OR4D9: variants seen among roughly 807,000 people sequenced by gnomAD.
The protein encoded by OR4D9 is olfactory receptor 4D9.
A neutral mutation model predicts 0.8 loss-of-function variants in OR4D9; 2 were observed. The ratio of observed to expected loss-of-function variants is 2.58; its 90% CI spans 1.06 to 8.13. The LOEUF (loss-of-function observed/expected upper bound fraction) is 8.13. Ranked by LOEUF, OR4D9 falls within the 30% of genes most tolerant of loss-of-function variation. The pLI, the probability that OR4D9 is intolerant of heterozygous loss-of-function variation, is 0.04. For missense variants in OR4D9, 399 were observed against 384.7 expected, an observed-to-expected ratio of 1.04 and a Z score of -0.31; for synonymous variants, 146 against 151.2, an observed-to-expected ratio of 0.97 and a Z score of 0.25.
In OR4D9 at chr11:59,515,724, T is replaced by C. The variant is rs1438518169; in HGVS notation, c.812T>C (p.Ile271Thr). Reference sequence around the variant, plus strand: ...ACTGCCCTCCCCACAGACACTGCCATCTCTGTCACCTTCACTGTCATCTCC... The same window carrying C: ...ACTGCCCTCCCCACAGACACTGCCACCTCTGTCACCTTCACTGTCATCTCC... ...PFTALPTDTA[I>T]SVTFTVISPL... is the part of the protein sequence containing the mutation. The change falls in exon 3 of 3, where the codon ATC (isoleucine) becomes ACC (threonine). Residue 271 changes from isoleucine (I) to threonine (T), a missense_variant. Coordinates refer to ENST00000641962, the MANE Select transcript of OR4D9 (RefSeq NM_001004711.2). 2 of 1,614,114 alleles carry C rather than the reference T, an allele frequency of 1.2e-6. No individual in the cohort carries two copies. The highest frequency in any genetic ancestry group is 1.7e-6 in the Non-Finnish European group (2 of 1,180,020).
At chr11:59,514,448 T>G (rs1050100273) in intron 1 of OR4D9, among the ~76,000 whole-genome samples, 1 of 152,234 alleles carries the variant, frequency 6.6e-6, no homozygotes, top group Non-Finnish European at 1.5e-5. Context: ...TTTACTGATT[T>G]GTAGAGGCTC....
In OR4D9 at chr11:59,515,015, T is replaced by C. The variant is rs769685840; in HGVS notation, c.103T>C (p.Tyr35His). ...CTTATTTACCTTCCTGTTTTTGGTG[T>C]ACATGACAACTCTAATGGGAAACTT... is the stretch of plus-strand genomic sequence containing the variant. ...QVLFTFLFLV[Y>H]MTTLMGNFLI... Residue 35 changes from tyrosine (Y) to histidine (H), a missense_variant, in exon 3 of 3, where the codon TAC (tyrosine) becomes CAC (histidine). Coordinates refer to ENST00000641962, the MANE Select transcript of OR4D9 (RefSeq NM_001004711.2). 3.1e-6 allele frequency: 5 copies of C among 1,613,970 alleles called. No homozygotes were observed. Among genetic ancestry groups the C allele is most frequent in the Non-Finnish European group, 4.2e-6 (5 of 1,179,936 alleles).
At position 59,517,537 on chromosome 11, in the gene OR4D9, G is replaced by A. The variant is rs1345807369; in HGVS notation, c.*1680G>A. ...TGCTGTTAGTGAGAGTGTTCATAAAGAAGAATCACTGTTGCCGGGCGCAGT... is the reference window on the plus strand; with the variant it reads ...TGCTGTTAGTGAGAGTGTTCATAAAAAAGAATCACTGTTGCCGGGCGCAGT... On this transcript the variant is annotated 3_prime_UTR_variant, in exon 3 of 3. Transcript: ENST00000641962. 6.6e-6 allele frequency: 1 copy of A among 152,102 alleles called. No individual in the cohort carries two copies. The highest frequency in any genetic ancestry group is 1.5e-5 in the Non-Finnish European group (1 of 68,026). The allele number at this position is 152,102 out of a possible 1,614,324, so 9.4% of individuals were successfully genotyped here. A position where few individuals can be genotyped will look rare whatever the true frequency, so the allele number is the denominator to read the frequency against.
At position 59,518,704 on chromosome 11, in the gene OR4D9, T is replaced by C. The variant is rs563565968; in HGVS notation, c.*2847T>C. 1 of 152,126 alleles carries C rather than the reference T, an allele frequency of 6.6e-6. No individual in the cohort carries two copies. The highest frequency in any genetic ancestry group is 1.5e-5 in the Non-Finnish European group (1 of 68,040). The allele number at this position is 152,126 out of a possible 1,614,324, so 9.4% of individuals were successfully genotyped here. The stretch of plus-strand genomic sequence containing the variant: ...ACCTGAACATGCTCATGCTGTCTTA[T>C]GCTCCACAGTCTCTAGATCCTCATA... On this transcript the variant is annotated 3_prime_UTR_variant, in exon 3 of 3. Transcript: ENST00000641962.
chr11:59,512,987 A>C (rs1464053713), intron 1 of OR4D9, among the ~76,000 whole-genome samples: 1 of 152,242 alleles, frequency 6.6e-6, no homozygotes, highest in Admixed American at 6.5e-5. Context: ...AAAGTGTTAT[A>C]AATGATAAAT....
rs1203354593 is a variant in OR4D9 at position 59,514,698 on chromosome 11, C to CA, written c.-99_-98insA. The CA allele has an allele frequency of 1.7e-5, 8 of 482,354 alleles. No individual in the cohort carries two copies. Among genetic ancestry groups the CA allele is most frequent in the Non-Finnish European group, 2.5e-5 (7 of 276,268 alleles). The allele number at this position is 482,354 out of a possible 1,614,324, so 29.9% of individuals were successfully genotyped here. A position where few individuals can be genotyped will look rare whatever the true frequency, so the allele number is the denominator to read the frequency against. On this transcript the variant is annotated 5_prime_UTR_variant, in exon 2 of 3. The change creates a premature stop within an existing upstream ORF in the 5' untranslated region. Coordinates refer to ENST00000641962, the MANE Select transcript of OR4D9 (RefSeq NM_001004711.2). ...CAGCAGCAGTGAGAGAACTTTGTCT[C>CA]CTGGGATGACTGAATCAAAAACCTG...
In OR4D9 at chr11:59,515,723, A is replaced by T. The variant is rs1859396641; in HGVS notation, c.811A>T (p.Ile271Phe). Residue 271 changes from isoleucine to phenylalanine, a missense_variant, in exon 3 of 3, where the codon ATC becomes TTC. Ile to Phe is a conservative substitution (Grantham distance 21). Coordinates refer to ENST00000641962, the MANE Select transcript of OR4D9 (RefSeq NM_001004711.2). Reference sequence around the variant, plus strand: ...CACTGCCCTCCCCACAGACACTGCCATCTCTGTCACCTTCACTGTCATCTC... The same window carrying T: ...CACTGCCCTCCCCACAGACACTGCCTTCTCTGTCACCTTCACTGTCATCTC... ...PFTALPTDTA[I>F]SVTFTVISPL... is the part of the protein sequence containing the mutation. The T allele has an allele frequency of 6.2e-7, 1 of 1,613,828 alleles. No homozygotes were observed.
At position 59,518,046 on chromosome 11, in the gene OR4D9, A is replaced by G. The variant is rs1859427352; in HGVS notation, c.*2189A>G. On this transcript the variant is annotated 3_prime_UTR_variant, in exon 3 of 3. Coordinates refer to ENST00000641962, the MANE Select transcript of OR4D9 (RefSeq NM_001004711.2). ...TGCCACTCAATCTATTAGAAGGTAA[A>G]GAAAGGGTATAAAAAGCATGATAGT... The G allele has an allele frequency of 6.6e-6, 1 of 152,170 alleles. No homozygotes were observed. Among genetic ancestry groups the G allele is most frequent in the Non-Finnish European group, 1.5e-5 (1 of 68,046 alleles). 9.4% of individuals were successfully genotyped at this position (152,170 alleles called of 1,614,324 possible).
intron 1 of OR4D9, among the ~76,000 whole-genome samples, chr11:59,514,244 G>A (rs1469774113): frequency 6.6e-6 from 1 of 152,186 alleles, no homozygotes; most frequent in Non-Finnish European, 1.5e-5. Flanking sequence ...CAGTGTATTA[G>A]AGTTCCAACT....
chr11:59,519,156 C>G lies in OR4D9; in HGVS notation c.*3299C>G, dbSNP rs1321484357. ...TTGCTTGAGCTCAGGAGTTTCAGAA[C>G]AGCCTGGGCAACATGGCAAAACCCC... On this transcript the variant is annotated 3_prime_UTR_variant, in exon 3 of 3. Transcript: ENST00000641962. 2.0e-5 allele frequency: 3 copies of G among 152,154 alleles called. No individual in the cohort carries two copies. Among genetic ancestry groups the G allele is most frequent in the Non-Finnish European group, 4.4e-5 (3 of 68,110 alleles). The allele number at this position is 152,154 out of a possible 1,614,324, so 9.4% of individuals were successfully genotyped here.
rs1189771582 is a variant in OR4D9, at chr11:59,516,542, A to G, written c.*685A>G. ...ACAAAGTGCTAGGGGAACTGTAGCC[A>G]CAATATTACTTGAGAGTTTCCAAAG... On this transcript the variant is annotated 3_prime_UTR_variant, in exon 3 of 3. Coordinates refer to ENST00000641962, the MANE Select transcript of OR4D9 (RefSeq NM_001004711.2). 6.6e-6 allele frequency: 1 copy of G among 152,208 alleles called. No individual in the cohort carries two copies. The highest frequency in any genetic ancestry group is 1.5e-5 in the Non-Finnish European group (1 of 68,042). 9.4% of individuals were successfully genotyped at this position (152,208 alleles called of 1,614,324 possible).
rs1316595597 is a variant in OR4D9, at chr11:59,516,025, A to G, written c.*168A>G. On this transcript the variant is annotated 3_prime_UTR_variant, in exon 3 of 3. Transcript: ENST00000641962. Reference sequence around the variant, plus strand: ...GGGACCACGTGGATGATACTGCTCTAAGACAAAATCCACTCAAGTCTTTCC... The same window carrying G: ...GGGACCACGTGGATGATACTGCTCTGAGACAAAATCCACTCAAGTCTTTCC... 1.4e-5 allele frequency: 8 copies of G among 576,402 alleles called. No individual in the cohort carries two copies. The Admixed American group carries it at 2.5e-4, about 18-fold the overall frequency. 35.7% of individuals were successfully genotyped at this position (576,402 alleles called of 1,614,324 possible). A position where few individuals can be genotyped will look rare whatever the true frequency, so the allele number is the denominator to read the frequency against.
Position 59,515,212 on chromosome 11 carries a change from A to C in OR4D9, c.300A>C (p.Gln100His). ...TCTCCTTCAGTGGCTGTGTCACTCA[A>C]ATGTTCTTCTTCCACCTTCTGGGGG... is the stretch of plus-strand genomic sequence containing the variant. ...KTISFSGCVT[Q>H]MFFFHLLGGA... Residue 100 changes from glutamine (Q) to histidine (H), a missense_variant, in exon 3 of 3, where the codon CAA (glutamine) becomes CAC (histidine). Coordinates refer to ENST00000641962, the MANE Select transcript of OR4D9 (RefSeq NM_001004711.2). The C allele has an allele frequency of 6.2e-7, 1 of 1,613,818 alleles. No individual in the cohort carries two copies. The highest frequency in any genetic ancestry group is 8.5e-7 in the Non-Finnish European group (1 of 1,179,964).
At chr11:59,514,600 ATTATT>A (rs1216999605) in intron 1 of OR4D9, 68 bp from the exon 2 acceptor site, 13 of 228,264 alleles carry the variant, frequency 5.7e-5, no homozygotes, top group Non-Finnish European at 1.1e-4. Context: ...CTTATTATTT[ATTATT>A]TTAAGTGTCA....
In OR4D9 at chr11:59,515,236, G is replaced by A; in HGVS notation, c.324G>A (p.Gly108=). ...VTQMFFFHLL[G]GADVFSLSVM... is the part of the protein sequence containing the mutation. The stretch of plus-strand genomic sequence containing the variant: ...AAATGTTCTTCTTCCACCTTCTGGG[G>A]GGAGCAGACGTTTTTTCTCTCTCTG... Residue 108 remains glycine (G), a synonymous_variant, in exon 3 of 3, where the codon GGG becomes GGA. Coordinates refer to ENST00000641962, the MANE Select transcript of OR4D9 (RefSeq NM_001004711.2). The A allele has an allele frequency of 3.7e-6, 6 of 1,613,538 alleles. No homozygotes were observed. Among genetic ancestry groups the A allele is most frequent in the Non-Finnish European group, 5.1e-6 (6 of 1,179,910 alleles).
Position 59,515,891 on chromosome 11 carries a change from T to C in OR4D9, c.*34T>C, listed in dbSNP as rs773423036. The C allele has an allele frequency of 1.4e-6, 2 of 1,470,128 alleles. No homozygotes were observed. The highest frequency in any genetic ancestry group is 1.8e-6 in the Non-Finnish European group (2 of 1,087,140). The allele number at this position is 1,470,128 out of a possible 1,614,324, so 91.1% of individuals were successfully genotyped here. ...TAGTACCCATATTTAAAGATAGACA[T>C]TAAATTTCACTTTCTCAAAATGGGA... On this transcript the variant is annotated 3_prime_UTR_variant, in exon 3 of 3. Transcript: ENST00000641962.
rs1171635825 is a variant in OR4D9 at position 59,517,501 on chromosome 11, G to A, written c.*1644G>A. On this transcript the variant is annotated 3_prime_UTR_variant, in exon 3 of 3. Transcript: ENST00000641962. ...TCAAGGACATAATTTCCTCCTAGGA[G>A]AAGGAAATAATGCTGTTAGTGAGAG... 6.6e-6 allele frequency: 1 copy of A among 152,224 alleles called. No homozygotes were observed. The highest frequency in any genetic ancestry group is 2.4e-5 in the African/African-American group (1 of 41,456). 9.4% of individuals were successfully genotyped at this position (152,224 alleles called of 1,614,324 possible). A position where few individuals can be genotyped will look rare whatever the true frequency, so the allele number is the denominator to read the frequency against.
chr11:59,512,213 A>G (rs1188440373), intron 1 of OR4D9, among the ~76,000 whole-genome samples: 1 of 152,028 alleles, frequency 6.6e-6, no homozygotes. Flanking sequence ...ATGGGGGGGA[A>G]TCCTCAGTTT....
intron 1 of OR4D9, among the ~76,000 whole-genome samples, chr11:59,513,102 G>A (rs1297498895): frequency 2.6e-5 from 4 of 151,620 alleles, no homozygotes; most frequent in East Asian, 3.9e-4. Flanking sequence ...TTGAGATGGA[G>A]TCTCGCTCTG....
Sources: gnomAD v4.1 joint callset for allele counts (sites outside exome capture counted in the v4.1 genomes callset) on GRCh38, gnomAD v4.1.1 for gene constraint, MANE v1.5 for transcripts, NCBI Gene and HGNC (gene_info 2026-07-23, HGNC 2026-07-21) for gene names.